The following NLRC5 variants were observed in gnomAD, a reference collection of about 807,000 sequenced individuals.
NLRC5 encodes the protein NLR family CARD domain containing 5.
Under a neutral mutation model 206.9 loss-of-function variants are expected in NLRC5, and 114 were observed. The observed-to-expected ratio is 0.55, with a 90% CI of 0.47 to 0.64. The LOEUF is 0.64. NLRC5 is among the 30% of genes least tolerant of loss of function. The pLI, the probability that NLRC5 is intolerant of heterozygous loss-of-function variation, is 0.00. For missense variants in NLRC5, 2,008 were observed against 2,305.5 expected, an observed-to-expected ratio of 0.87 and a Z score of 2.64; for synonymous variants, 952 against 962.8, an observed-to-expected ratio of 0.99 and a Z score of 0.21.
At position 57,081,084 on chromosome 16, in the gene NLRC5, C is replaced by A. The variant is rs1234306927; in HGVS notation, c.5322-14C>A. 1.2e-5 allele frequency: 19 copies of A among 1,547,904 alleles called. No individual in the cohort carries two copies. Among genetic ancestry groups the A allele is most frequent in the Non-Finnish European group, 1.6e-5 (18 of 1,147,236 alleles). ...TGCTCTCCTGCCGCTGACTTTGGGA[C>A]CCCTACCCTGCAGGCTGTCCTGGAA... On this transcript the variant is annotated splice_polypyrimidine_tract_variant and intron_variant, in intron 46 of 48. Transcript: ENST00000688547.
intron 1 of NLRC5, among the ~76,000 whole-genome samples, chr16:56,993,694 T>G (rs548812267): frequency 7.9e-5 from 12 of 152,314 alleles, no homozygotes; most frequent in African/African-American, 2.6e-4. Flanking sequence ...TTTCAAATAT[T>G]TAAGAGTCAC....
rs750277792 is a variant in NLRC5 at position 57,028,086 on chromosome 16, A to T, written c.2090A>T (p.Lys697Met). ...QIENLSFKSR[K>M]CGDAFAEALS... ...TCTTATGGCAGCTTTAAGAGCAGGA[A>T]GTGTGGGGATGCCTTTGCAGAAGCC... The change falls in exon 7 of 49, where the codon AAG becomes ATG. Residue 697 changes from lysine to methionine, a missense_variant. Transcript: ENST00000688547. The T allele has an allele frequency of 6.2e-7, 1 of 1,613,460 alleles. No homozygotes were observed. Among genetic ancestry groups the T allele is most frequent in the East Asian group, 2.2e-5 (1 of 44,858 alleles).
intron 32 of NLRC5, chr16:57,062,550 G>A: frequency 1.2e-5 from 2 of 161,520 alleles, no homozygotes; most frequent in East Asian, 1.8e-4. Flanking sequence ...TGACTCTGGT[G>A]GCTTTCTCAT....
chr16:57,020,669 C>G (rs1202172346), intron 2 of NLRC5, 32 bp from the exon 3 acceptor site: 2 of 1,561,170 alleles, frequency 1.3e-6, no homozygotes, highest in Admixed American at 1.7e-5. Context: ...TACCTGTCCC[C>G]CTCAACTCAC....
chr16:57,072,346 C>T (rs894687461), intron 38 of NLRC5, among the ~76,000 whole-genome samples: 4 of 152,218 alleles, frequency 2.6e-5, no homozygotes, highest in African/African-American at 9.6e-5. Flanking sequence ...CTAAAGCAAT[C>T]ACTGTGGCTG....
rs1567639589 is a variant in NLRC5, at chr16:57,071,071, AGAG to A, written c.4667+454_4667+456del. On this transcript the variant is annotated intron_variant, in intron 38 of 48. Transcript: ENST00000688547. ...GAGTGGTGATGGTGGTTAATGGGGA[AGAG>A]TTGTGAGTGAGTGGTGTTGGTGGTT... Among the ~76,000 whole-genome samples, 62 of 81,390 alleles carry A rather than the reference AGAG, an allele frequency of 7.6e-4. 4 individuals are homozygous for A. Among genetic ancestry groups the A allele is most frequent in the East Asian group, 3.3e-3 (6 of 1,820 alleles). The allele number at this position is 81,390 out of a possible 152,430, so 53.4% of individuals were successfully genotyped here. A position where few individuals can be genotyped will look rare whatever the true frequency, so the allele number is the denominator to read the frequency against.
intron 23 of NLRC5, among the ~76,000 whole-genome samples, chr16:57,050,737 T>G (rs965732263): frequency 5.3e-5 from 8 of 152,222 alleles, no homozygotes; most frequent in Non-Finnish European, 1.2e-4. Context: ...CTGGTTGGTC[T>G]GGTGTTAATG....
intron 6 of NLRC5, among the ~76,000 whole-genome samples, chr16:57,027,692 G>A (rs560355509): frequency 4.6e-5 from 7 of 152,304 alleles, no homozygotes; most frequent in South Asian, 2.1e-4. Context: ...TCAAAGCTAC[G>A]TCATGGGTAT....
intron 1 of NLRC5, chr16:56,992,314 C>T (rs1373729204): frequency 1.3e-5 from 2 of 152,206 alleles, no homozygotes; most frequent in East Asian, 3.8e-4. Context: ...GAAACGAATA[C>T]ACCATCCCAG....
chr16:57,065,011 AGTT>A (rs2066932297), intron 32 of NLRC5, among the ~76,000 whole-genome samples, 198 bp from the exon 33 acceptor site: 1 of 152,216 alleles, frequency 6.6e-6, no homozygotes, highest in Non-Finnish European at 1.5e-5. Context: ...TCACAACAAT[AGTT>A]GTTGGAATAA....
At chr16:57,068,425 G>A (rs1460717804) in intron 36 of NLRC5, among the ~76,000 whole-genome samples, 1 of 131,258 alleles carries the variant, frequency 7.6e-6, no homozygotes, top group African/African-American at 2.6e-5. Context: ...AGCGAGGCTC[G>A]GTTTCCGAAA....
intron 15 of NLRC5, 81 bp downstream of exon 15, chr16:57,037,365 C>A: frequency 7.5e-7 from 1 of 1,336,296 alleles, no homozygotes; most frequent in Non-Finnish European, 1.1e-6. Context: ...CTTCTGGGCC[C>A]AGGCCTTGGG....
At chr16:57,079,788 C>T (rs1222076224) in intron 46 of NLRC5, among the ~76,000 whole-genome samples, 159 bp downstream of exon 46, 1 of 152,196 alleles carries the variant, frequency 6.6e-6, no homozygotes, top group Non-Finnish European at 1.5e-5. Context: ...ACTCAGACAT[C>T]CTCTCAAAGA....
In NLRC5 at chr16:57,072,795, G is replaced by C. The variant is rs372847076; in HGVS notation, c.4668-1805G>C. Reference sequence around the variant, plus strand: ...CCCCCTGAGAAAACTTCTGTTGAACGGTTTGTGAATTTTTCTCCAGATTTT... The same window carrying C: ...CCCCCTGAGAAAACTTCTGTTGAACCGTTTGTGAATTTTTCTCCAGATTTT... On this transcript the variant is annotated intron_variant, in intron 38 of 48. Coordinates refer to ENST00000688547, the MANE Select transcript of NLRC5 (RefSeq NM_001384950.1). Among the ~76,000 whole-genome samples, 18 of 152,210 alleles carry C rather than the reference G, an allele frequency of 1.2e-4. No homozygotes were observed. In the East Asian group the frequency reaches 1.9e-3, roughly 16 times the overall value.
chr16:57,015,717 C>T (rs751786334), intron 1 of NLRC5, among the ~76,000 whole-genome samples: 42 of 151,798 alleles, frequency 2.8e-4, no homozygotes, highest in Non-Finnish European at 4.4e-4. Flanking sequence ...CACCTGAAGT[C>T]GGGAGTTCAA....
intron 44 of NLRC5, 42 bp from the exon 45 acceptor site, chr16:57,079,179 G>A: frequency 6.2e-7 from 1 of 1,613,888 alleles, no homozygotes; most frequent in East Asian, 2.2e-5. Flanking sequence ...GTCCTGGGCG[G>A]GTCTGGGGGT....
rs2065927331 is a variant in NLRC5, at chr16:57,058,063, A to C, written c.3747-2A>C. The C allele has an allele frequency of 6.2e-7, 1 of 1,611,516 alleles. No homozygotes were observed. Among genetic ancestry groups the C allele is most frequent in the Non-Finnish European group, 8.5e-7 (1 of 1,178,818 alleles). ...CCCGCCACTGCTCCTTACCCCCTAC[A>C]GTCTCTCAGCAAACCTGCTGGGCGA... is the stretch of plus-strand genomic sequence containing the variant. On this transcript the variant is annotated splice_acceptor_variant, in intron 27 of 48. Coordinates refer to ENST00000688547, the MANE Select transcript of NLRC5 (RefSeq NM_001384950.1). LOFTEE classifies it high-confidence loss of function.
intron 35 of NLRC5, 111 bp downstream of exon 35, chr16:57,067,581 C>A: frequency 7.3e-7 from 1 of 1,375,662 alleles, no homozygotes; most frequent in South Asian, 1.2e-5. Context: ...AGGAGAAAAT[C>A]ACACTTGGCC....
chr16:57,017,247 T>G (rs1216208415), intron 2 of NLRC5, 59 bp downstream of exon 2: 1 of 152,646 alleles, frequency 6.6e-6, no homozygotes, highest in African/African-American at 2.4e-5. Context: ...ACTTCGTCAC[T>G]TTTCTCCTAC....
Sources: allele counts gnomAD v4.1 joint callset (sites outside exome capture counted in the v4.1 genomes callset), GRCh38; gene constraint gnomAD v4.1.1; transcripts MANE v1.5; gene names NCBI Gene and HGNC (gene_info 2026-07-23, HGNC 2026-07-21).